STPG4: variants seen among roughly 807,000 people sequenced by gnomAD.
STPG4 encodes the protein sperm-tail PG-rich repeat containing 4, also known as protein STPG4.
Under a neutral mutation model 31.5 loss-of-function variants are expected in STPG4, and 41 were observed. The observed-to-expected ratio is 1.30, with a 90% confidence interval of 1.01 to 1.69. The LOEUF (loss-of-function observed/expected upper bound fraction) is 1.69. Ranked by LOEUF, STPG4 falls within the 40% of genes most tolerant of loss-of-function variation. The probability of loss-of-function intolerance (pLI) is 0.00; values close to 1 mark genes in which losing one functional copy is unlikely to be tolerated. For missense variants in STPG4, 375 were observed against 293.4 expected (o/e 1.28, Z -2.03); for synonymous variants, 141 against 103.0 (o/e 1.37, Z -2.24).
intron 5 of STPG4, among the ~76,000 whole-genome samples, chr2:47,119,910 T>C (rs1262957620): frequency 6.6e-6 from 1 of 152,174 alleles, no homozygotes; most frequent in Non-Finnish European, 1.5e-5. Flanking sequence ...AAATTATATA[T>C]GGAGGTTATA....
At chr2:47,146,074 C>T (rs1035270680) in intron 3 of STPG4, among the ~76,000 whole-genome samples, 1 of 152,106 alleles carries the variant, frequency 6.6e-6, no homozygotes, top group African/African-American at 2.4e-5. Context: ...GTTCAAGATA[C>T]AGCCAAAAGG....
At chr2:47,126,420 G>T (rs1263276862) in intron 5 of STPG4, among the ~76,000 whole-genome samples, 1 of 151,952 alleles carries the variant, frequency 6.6e-6, no homozygotes, top group African/African-American at 2.4e-5. Flanking sequence ...TGACCTCCTG[G>T]GCTCGAGTGA....
intron 5 of STPG4, among the ~76,000 whole-genome samples, chr2:47,104,806 G>A (rs1283077722): frequency 6.6e-6 from 1 of 151,956 alleles, no homozygotes; most frequent in African/African-American, 2.4e-5. Context: ...AGGGTACAAG[G>A]TGTCTAGGTC....
At chr2:47,152,643 A>T (rs1404222157) in intron 2 of STPG4, among the ~76,000 whole-genome samples, 2 of 152,230 alleles carry the variant, frequency 1.3e-5, no homozygotes, top group African/African-American at 4.8e-5. Context: ...ACACCTTTCC[A>T]GAATGTATGC....
chr2:47,118,603 C>T (rs368704560), intron 5 of STPG4, among the ~76,000 whole-genome samples: 3 of 152,190 alleles, frequency 2.0e-5, no homozygotes, highest in South Asian at 2.1e-4. Flanking sequence ...GGTTGGGGAC[C>T]GCTGCACTAA....
intron 5 of STPG4, among the ~76,000 whole-genome samples, chr2:47,127,902 G>C (rs13027765): frequency 0.024 from 3,665 of 152,210 alleles, 57 homozygotes; most frequent in African/African-American, 0.04. Flanking sequence ...GTATATGTTT[G>C]CCGATGTCTG....
intron 3 of STPG4, 119 bp downstream of exon 3, chr2:47,151,139 A>G: frequency 1.6e-6 from 2 of 1,253,136 alleles, no homozygotes; most frequent in Middle Eastern, 4.4e-4. Context: ...ACGGGAAATA[A>G]GACATCTTAA....
chr2:47,117,915 C>CATATATATATAT (rs10563568), intron 5 of STPG4, among the ~76,000 whole-genome samples: 3 of 94,972 alleles, frequency 3.2e-5, no homozygotes, highest in African/African-American at 1.2e-4. Flanking sequence ...GATAGTACAA[C>CATATATATATAT]ATATATATAT....
intron 5 of STPG4, among the ~76,000 whole-genome samples, chr2:47,104,488 G>A (rs1685863653): frequency 1.3e-5 from 2 of 151,984 alleles, no homozygotes; most frequent in South Asian, 4.2e-4. Flanking sequence ...ACCAGAGGAA[G>A]CAGAATGGTT....
intron 3 of STPG4, among the ~76,000 whole-genome samples, chr2:47,134,191 G>A (rs895414891): frequency 6.6e-6 from 1 of 151,988 alleles, no homozygotes; most frequent in Non-Finnish European, 1.5e-5. Flanking sequence ...AGGTACAGAC[G>A]AACCTACACT....
intron 5 of STPG4, among the ~76,000 whole-genome samples, chr2:47,124,044 G>A (rs555731165): frequency 1.6e-4 from 25 of 151,548 alleles, no homozygotes; most frequent in East Asian, 5.8e-4. Flanking sequence ...GTGCAGTGGC[G>A]CGATCTCAGC....
rs796201330 is a variant in STPG4 at position 47,123,788 on chromosome 2, G to C, written c.519+6153C>G. Among the ~76,000 whole-genome samples, 16 of 152,146 alleles carry C rather than the reference G, an allele frequency of 1.1e-4. 1 individual carries two copies. Among genetic ancestry groups the C allele is most frequent in the African/African-American group, 3.9e-4 (16 of 41,512 alleles). On this transcript the variant is annotated intron_variant, in intron 5 of 6. Coordinates refer to ENST00000445927, the MANE Select transcript of STPG4 (RefSeq NM_001163561.2). Reference sequence around the variant, plus strand: ...TCTTACTATAGCAAAAGGATTCATAGTATATTTTATTTTGAAAAATGTTTA... The same window carrying C: ...TCTTACTATAGCAAAAGGATTCATACTATATTTTATTTTGAAAAATGTTTA...
In STPG4 at chr2:47,151,339, G is replaced by C; in HGVS notation, c.318C>G (p.Asp106Glu). ...AAGTAGCCACTTGCTTCTTTAACAG[G>C]TCCAGGAAGTCAGGAGGCATATACT... Reference protein sequence around the residue: ...LPQYMPPDFLDLLKKQVATYS... With the variant: ...LPQYMPPDFLELLKKQVATYS... Residue 106 changes from aspartate (D) to glutamate (E), a missense_variant, in exon 3 of 7, where the codon GAC becomes GAG. Physicochemically the swap from Asp to Glu is conservative, Grantham distance 45 (BLOSUM62 2). Coordinates refer to ENST00000445927, the MANE Select transcript of STPG4 (RefSeq NM_001163561.2). 1 of 1,614,140 alleles carries C rather than the reference G, an allele frequency of 6.2e-7. No homozygotes were observed. Among genetic ancestry groups the C allele is most frequent in the Non-Finnish European group, 8.5e-7 (1 of 1,180,002 alleles).
intron 5 of STPG4, among the ~76,000 whole-genome samples, chr2:47,094,380 A>T (rs896139466): frequency 6.6e-6 from 1 of 152,184 alleles, no homozygotes; most frequent in Non-Finnish European, 1.5e-5. Flanking sequence ...CCTTTACAGT[A>T]TCTATTCCTC....
At chr2:47,130,134 A>G (rs1686446585) in intron 4 of STPG4, 62 bp downstream of exon 4, 1 of 1,520,688 alleles carries the variant, frequency 6.6e-7, no homozygotes, top group Non-Finnish European at 9.1e-7. Context: ...TTTAAAAGCC[A>G]GGAGTATTGG....
chr2:47,136,703 A>G (rs1343103723), intron 3 of STPG4, among the ~76,000 whole-genome samples: 1 of 152,208 alleles, frequency 6.6e-6, no homozygotes, highest in East Asian at 1.9e-4. Flanking sequence ...TACAATTTCT[A>G]GCCAAATGTT....
At chr2:47,095,153 C>G (rs1481849870) in intron 5 of STPG4, among the ~76,000 whole-genome samples, 2 of 152,200 alleles carry the variant, frequency 1.3e-5, no homozygotes, top group Non-Finnish European at 2.9e-5. Context: ...ATGCTGAATA[C>G]TGTCTCTCCC....
At chr2:47,133,384 C>A (rs1208580131) in intron 3 of STPG4, among the ~76,000 whole-genome samples, 1 of 151,656 alleles carries the variant, frequency 6.6e-6, no homozygotes, top group African/African-American at 2.4e-5. Context: ...CAGGGCTGGT[C>A]TCAAACTCTT....
At chr2:47,109,941 A>G (rs74961981) in intron 5 of STPG4, among the ~76,000 whole-genome samples, 3,569 of 152,128 alleles carry the variant, frequency 0.023, 120 homozygotes, top group African/African-American at 0.081. Flanking sequence ...TGTAACGACC[A>G]TTTGTATCTG....
Sources: allele counts gnomAD v4.1 joint callset (sites outside exome capture counted in the v4.1 genomes callset), GRCh38; gene constraint gnomAD v4.1.1; transcripts MANE v1.5; gene names NCBI Gene and HGNC (gene_info 2026-07-23, HGNC 2026-07-21).